NMD3: variants seen among roughly 807,000 people sequenced by gnomAD.
NMD3 encodes NMD3 ribosome export adaptor.
In NMD3, 47 loss-of-function variants were observed where a neutral mutation model predicts 73.1. The observed-to-expected ratio is 0.64, with a 90% CI of 0.51 to 0.82. NMD3 has a LOEUF of 0.82. NMD3 is among the 40% of genes least tolerant of loss of function. The pLI, the probability that NMD3 is intolerant of heterozygous loss-of-function variation, is 0.00. For missense variants in NMD3, 554 were observed against 612.5 expected, an observed-to-expected ratio of 0.90 and a Z score of 1.01; for synonymous variants, 210 against 194.5, an observed-to-expected ratio of 1.08 and a Z score of -0.66.
intron 2 of NMD3, among the ~76,000 whole-genome samples, 156 bp from the exon 3 acceptor site, chr3:161,224,774 A>G (rs1736241761): frequency 6.6e-6 from 1 of 152,200 alleles, no homozygotes; most frequent in Admixed American, 6.5e-5. Context: ...GGTGTGAGCC[A>G]CTGGCTGGCC....
chr3:161,234,852 A>T lies in NMD3; in HGVS notation c.483A>T (p.Gln161His). Reference protein sequence around the residue: ...DFWKAVIQVRQKTLHKKTFYY... With the variant: ...DFWKAVIQVRHKTLHKKTFYY... ...GGAAGGCTGTGATTCAAGTGAGGCA[A>T]AAGGTAATGAGAGAAGATGATGAGT... The change falls in exon 6 of 16, where the codon CAA becomes CAT. Residue 161 changes from glutamine to histidine, a missense_variant. Physicochemically the swap from Gln to His is conservative, Grantham distance 24. Transcript: ENST00000351193. The T allele has an allele frequency of 1.9e-6, 3 of 1,613,268 alleles. No individual in the cohort carries two copies. The highest frequency in any genetic ancestry group is 1.7e-4 in the Middle Eastern group (1 of 6,052).
chr3:161,235,043 C>A, intron 6 of NMD3, 79 bp from the exon 7 acceptor site: 3 of 861,810 alleles, frequency 3.5e-6, no homozygotes, highest in Non-Finnish European at 5.6e-6. Flanking sequence ...TATGCTCTAT[C>A]TGTAGATAGT....
chr3:161,242,065 C>G (rs1435540348), intron 10 of NMD3, among the ~76,000 whole-genome samples: 2 of 151,960 alleles, frequency 1.3e-5, no homozygotes, highest in Non-Finnish European at 2.9e-5. Context: ...CATTCATTAT[C>G]TTTATCAGTT....
chr3:161,230,213 C>T (rs1736479764), intron 4 of NMD3, among the ~76,000 whole-genome samples: 1 of 152,168 alleles, frequency 6.6e-6, no homozygotes, highest in Non-Finnish European at 1.5e-5. Context: ...ATCCTTCTGC[C>T]TCAGCCTCCT....
At chr3:161,226,774 A>G (rs1386878457) in intron 3 of NMD3, among the ~76,000 whole-genome samples, 4 of 152,230 alleles carry the variant, frequency 2.6e-5, no homozygotes, top group African/African-American at 9.6e-5. Flanking sequence ...ACAATTTACA[A>G]TTTGAAAAGG....
Position 161,250,773 on chromosome 3 carries a change from T to G in NMD3, c.1382-7T>G. 6.3e-7 allele frequency: 1 copy of G among 1,587,704 alleles called. No homozygotes were observed. The highest frequency in any genetic ancestry group is 8.6e-7 in the Non-Finnish European group (1 of 1,158,762). On this transcript the variant is annotated splice_region_variant and splice_polypyrimidine_tract_variant and intron_variant, in intron 15 of 15. Coordinates refer to ENST00000351193, the MANE Select transcript of NMD3 (RefSeq NM_015938.5). The stretch of plus-strand genomic sequence containing the variant: ...GTATTTATTTTATTCTCTTTGTATT[T>G]TTTTAGATTCAGCCATCCCTGTGGA...
At chr3:161,228,191 C>G (rs1736398265) in intron 4 of NMD3, among the ~76,000 whole-genome samples, 1 of 152,126 alleles carries the variant, frequency 6.6e-6, no homozygotes, top group Middle Eastern at 3.2e-3. Context: ...GAAATTGACT[C>G]TTTCAGATTG....
intron 6 of NMD3, 93 bp from the exon 7 acceptor site, chr3:161,235,029 T>A (rs1458454110): frequency 1.1e-6 from 1 of 889,754 alleles, no homozygotes; most frequent in African/African-American, 1.7e-5. Context: ...GTTTGAAAAA[T>A]CAGTATGCTC....
rs1488774912 is a variant in NMD3, at chr3:161,251,835, A to G, written c.*925A>G. 2.6e-5 allele frequency: 4 copies of G among 152,230 alleles called. No individual in the cohort carries two copies. Among genetic ancestry groups the G allele is most frequent in the Non-Finnish European group, 4.4e-5 (3 of 68,034 alleles). 9.4% of individuals were successfully genotyped at this position (152,230 alleles called of 1,614,324 possible). A position where few individuals can be genotyped will look rare whatever the true frequency, so the allele number is the denominator to read the frequency against. ...ACCATTAATCAGATTTGAATGAGGA[A>G]TGCTTCCCACATCCTTGAAAGAAAA... On this transcript the variant is annotated 3_prime_UTR_variant, in exon 16 of 16. Transcript: ENST00000351193.
At chr3:161,221,154 G>A (rs886726598), upstream of NMD3, 1 of 152,178 alleles carries the variant, frequency 6.6e-6, no homozygotes, top group African/African-American at 2.4e-5. Context: ...GACGGCAAAT[G>A]AGCCCCTGGG....
At chr3:161,242,050 A>G (rs1357122271) in intron 10 of NMD3, among the ~76,000 whole-genome samples, 1 of 152,072 alleles carries the variant, frequency 6.6e-6, no homozygotes, top group Non-Finnish European at 1.5e-5. Flanking sequence ...GATATTTTTC[A>G]AAGTCATTCA....
chr3:161,239,505 T>C (rs1282784149), intron 9 of NMD3, among the ~76,000 whole-genome samples: 3 of 152,182 alleles, frequency 2.0e-5, no homozygotes, highest in Non-Finnish European at 4.4e-5. Context: ...GTGACCATTC[T>C]ACATAAAGTT....
chr3:161,223,185 A>G (rs1400080238), intron 2 of NMD3: 1 of 152,178 alleles, frequency 6.6e-6, no homozygotes, highest in Non-Finnish European at 1.5e-5. Flanking sequence ...CATAAACCCC[A>G]AGCAGTTTAA....
At position 161,250,298 on chromosome 3, in the gene NMD3, A is replaced by G; in HGVS notation, c.1353A>G (p.Ala451=). 1 of 1,604,342 alleles carries G rather than the reference A, an allele frequency of 6.2e-7. No homozygotes were observed. Among genetic ancestry groups the G allele is most frequent in the South Asian group, 1.1e-5 (1 of 90,738 alleles). The change falls in exon 15 of 16, where the codon GCA becomes GCG. Residue 451 remains alanine (A), a synonymous_variant. Transcript: ENST00000351193. The part of the protein sequence containing the change: ...DFLEDLEEDE[A]IRKNVNIYRD... ...TTGAAGATCTTGAAGAAGATGAGGC[A>G]ATTCGAAAAAATGTCAACATTTACA...
chr3:161,223,511 T>C (rs1055965925), intron 2 of NMD3, among the ~76,000 whole-genome samples: 4 of 152,062 alleles, frequency 2.6e-5, no homozygotes, highest in Admixed American at 6.5e-5. Flanking sequence ...TTTTTTTAAT[T>C]GCCTTTGGAG....
intron 4 of NMD3, among the ~76,000 whole-genome samples, chr3:161,231,217 G>C (rs1736534877): frequency 6.6e-6 from 1 of 152,210 alleles, no homozygotes; most frequent in Non-Finnish European, 1.5e-5. Context: ...TTGGTAGGAT[G>C]AATGGATTGT....
Position 161,238,108 on chromosome 3 carries a change from TTAAGATGGTCTGGA to T in NMD3, c.578-3_588del. 1.3e-6 allele frequency: 2 copies of T among 1,538,852 alleles called. No individual in the cohort carries two copies. The highest frequency in any genetic ancestry group is 1.4e-5 in the African/African-American group (1 of 71,284). ...TTTTCATAGGGCTTTTTTTTTTTTT[TTAAGATGGTCTGGA>T]TTTTTATTATTCCTCAAAACAACAT... On this transcript the variant is annotated splice_acceptor_variant and splice_polypyrimidine_tract_variant and coding_sequence_variant and intron_variant, in exon 8 of 16. Transcript: ENST00000351193. LOFTEE classifies it high-confidence loss of function.
At chr3:161,237,753 C>T (rs963326836) in intron 7 of NMD3, among the ~76,000 whole-genome samples, 7 of 151,950 alleles carry the variant, frequency 4.6e-5, no homozygotes, top group African/African-American at 1.7e-4. Context: ...TGGTCTTGAT[C>T]TCCTGACCTC....
intron 11 of NMD3, among the ~76,000 whole-genome samples, chr3:161,243,206 A>G (rs1464984549): frequency 6.6e-6 from 1 of 152,200 alleles, no homozygotes; most frequent in African/African-American, 2.4e-5. Flanking sequence ...ATACATACCT[A>G]TGATAGAGTT....
Sources: allele counts gnomAD v4.1 joint callset (sites outside exome capture counted in the v4.1 genomes callset), GRCh38; gene constraint gnomAD v4.1.1; transcripts MANE v1.5; gene names NCBI Gene and HGNC (gene_info 2026-07-23, HGNC 2026-07-21).